The following NBEA variants were observed in gnomAD, a reference collection of about 807,000 sequenced individuals.
NBEA encodes neurobeachin, also known as lysosomal-trafficking regulator 2.
Under a neutral mutation model 343.4 loss-of-function variants are expected in NBEA, and 44 were observed. The ratio of observed to expected loss-of-function variants is 0.13; its 90% CI spans 0.10 to 0.16. NBEA has a LOEUF of 0.16. NBEA is among the 10% of genes least tolerant of loss of function. The pLI is 1.00. For missense variants in NBEA, 2,555 were observed against 3,631.3 expected (o/e 0.70, Z 7.62); for synonymous variants, 1,175 against 1,238.7 (o/e 0.95, Z 1.08).
intron 41 of NBEA, among the ~76,000 whole-genome samples, chr13:35,532,074 T>G (rs546918896): frequency 6.6e-6 from 1 of 152,324 alleles, no homozygotes; most frequent in African/African-American, 2.4e-5. Flanking sequence ...GGGATTAGCT[T>G]CAAATTGTCA....
At chr13:35,470,567 G>A (rs534265749) in intron 40 of NBEA, among the ~76,000 whole-genome samples, 1 of 152,308 alleles carries the variant, frequency 6.6e-6, no homozygotes, top group South Asian at 2.1e-4. Context: ...GCCCAACAAT[G>A]TACAACTTTG....
intron 55 of NBEA, among the ~76,000 whole-genome samples, chr13:35,658,819 A>G (rs1357576819): frequency 6.6e-6 from 1 of 152,200 alleles, no homozygotes; most frequent in Non-Finnish European, 1.5e-5. Context: ...CCACTTATCT[A>G]TTTAAAAAGC....
chr13:35,213,993 C>T (rs1444737804), intron 33 of NBEA, among the ~76,000 whole-genome samples: 3 of 151,858 alleles, frequency 2.0e-5, no homozygotes, highest in Admixed American at 6.6e-5. Context: ...TAGATAGAAT[C>T]GACAGTACAT....
intron 46 of NBEA, among the ~76,000 whole-genome samples, chr13:35,585,615 C>A (rs2081260395): frequency 6.6e-6 from 1 of 152,006 alleles, no homozygotes; most frequent in Non-Finnish European, 1.5e-5. Flanking sequence ...CTCTTCTTTG[C>A]AAACATTTCT....
intron 24 of NBEA, among the ~76,000 whole-genome samples, chr13:35,165,291 A>G (rs999473290): frequency 6.6e-6 from 1 of 152,192 alleles, no homozygotes; most frequent in Non-Finnish European, 1.5e-5. Context: ...TGCCACCACC[A>G]TCACCAGAGC....
Position 35,045,113 on chromosome 13 carries a change from G to T in NBEA, c.627+66G>T. 2.1e-6 allele frequency: 3 copies of T among 1,408,268 alleles called. No homozygotes were observed. In the South Asian group the frequency reaches 3.7e-5, roughly 18 times the overall value. The allele number at this position is 1,408,268 out of a possible 1,614,324, so 87.2% of individuals were successfully genotyped here. A position where few individuals can be genotyped will look rare whatever the true frequency, so the allele number is the denominator to read the frequency against. On this transcript the variant is annotated intron_variant, in intron 3 of 58. Transcript: ENST00000379939. ...ATTAATACTTAATGTTCAAAAGTTT[G>T]TCTCTAGAGAGCTATATACTTGAAT...
At chr13:34,952,201 C>G (rs1214862614) in intron 1 of NBEA, among the ~76,000 whole-genome samples, 1 of 152,146 alleles carries the variant, frequency 6.6e-6, no homozygotes, top group Non-Finnish European at 1.5e-5. Context: ...ATCCCAAAAA[C>G]AGCATGTATG....
chr13:35,351,138 G>A (rs914442902), intron 37 of NBEA, among the ~76,000 whole-genome samples: 5 of 152,048 alleles, frequency 3.3e-5, no homozygotes, highest in East Asian at 1.9e-4. Context: ...TGTGGTAGTA[G>A]TGTATATCAA....
chr13:34,981,024 T>C (rs1288517064), intron 1 of NBEA, among the ~76,000 whole-genome samples: 1 of 152,204 alleles, frequency 6.6e-6, no homozygotes, highest in Non-Finnish European at 1.5e-5. Flanking sequence ...CAAAATGTAC[T>C]TTTATAACAT....
At chr13:35,537,456 T>C (rs2078615289) in intron 41 of NBEA, among the ~76,000 whole-genome samples, 1 of 150,392 alleles carries the variant, frequency 6.6e-6, no homozygotes, top group Non-Finnish European at 1.5e-5. Context: ...AGAGATACAG[T>C]AATGAGAAGA....
chr13:35,348,008 G>A (rs1283763707), intron 36 of NBEA, among the ~76,000 whole-genome samples: 1 of 152,090 alleles, frequency 6.6e-6, no homozygotes, highest in Non-Finnish European at 1.5e-5. Flanking sequence ...CTAGCCTCAG[G>A]AGTCACATAG....
chr13:35,550,688 T>C, intron 42 of NBEA, 94 bp downstream of exon 42: 1 of 775,536 alleles, frequency 1.3e-6, no homozygotes, highest in Non-Finnish European at 2.1e-6. Flanking sequence ...TCCTACTGTA[T>C]TTCTGATGTG....
At chr13:35,451,587 CAT>C (rs2152945296) in intron 39 of NBEA, among the ~76,000 whole-genome samples, 1 of 152,340 alleles carries the variant, frequency 6.6e-6, no homozygotes, top group Admixed American at 6.5e-5. Flanking sequence ...TTTCCCCTCA[CAT>C]GTGAATGGTT....
intron 1 of NBEA, among the ~76,000 whole-genome samples, chr13:34,976,943 T>A (rs1593337779): frequency 6.8e-6 from 1 of 147,602 alleles, no homozygotes; most frequent in East Asian, 1.9e-4. Flanking sequence ...TCTCTCTATT[T>A]TTTTTTTTTT....
chr13:35,457,947 T>C (rs2046676056), intron 40 of NBEA, among the ~76,000 whole-genome samples: 3 of 152,246 alleles, frequency 2.0e-5, no homozygotes, highest in Admixed American at 2.0e-4. Context: ...ATTGTATGGA[T>C]ACACCACATT....
At chr13:35,561,856 C>T (rs1284221096) in intron 44 of NBEA, among the ~76,000 whole-genome samples, 4 of 151,928 alleles carry the variant, frequency 2.6e-5, no homozygotes, top group Admixed American at 6.6e-5. Flanking sequence ...ATCCCGGAAA[C>T]GTATTTAAAA....
chr13:35,438,892 T>C (rs115445367), intron 39 of NBEA, among the ~76,000 whole-genome samples: 3,962 of 152,334 alleles, frequency 0.026, 194 homozygotes, highest in African/African-American at 0.091. Context: ...CATTTTCATA[T>C]TAATAAATGT....
intron 33 of NBEA, among the ~76,000 whole-genome samples, chr13:35,222,761 C>G (rs1221566092): frequency 6.6e-6 from 1 of 152,110 alleles, no homozygotes; most frequent in Admixed American, 6.6e-5. Context: ...ATGCTTGTAA[C>G]AGTTTACTCC....
chr13:35,467,792 T>C (rs1398223021), intron 40 of NBEA, among the ~76,000 whole-genome samples: 1 of 152,206 alleles, frequency 6.6e-6, no homozygotes, highest in Non-Finnish European at 1.5e-5. Flanking sequence ...AGTTTCCAAG[T>C]AATTGAAGCT....
Sources: allele counts gnomAD v4.1 joint callset (sites outside exome capture counted in the v4.1 genomes callset), GRCh38; gene constraint gnomAD v4.1.1; transcripts MANE v1.5; gene names NCBI Gene and HGNC (gene_info 2026-07-23, HGNC 2026-07-21).